The following MITF variants were observed in gnomAD, a reference collection of about 807,000 sequenced individuals.
MITF encodes the protein microphthalmia-associated transcription factor.
MITF carries 17 observed loss-of-function variants against 60.5 expected under a neutral mutation model. The ratio of observed to expected loss-of-function variants is 0.28; its 90% CI spans 0.19 to 0.42. MITF has a LOEUF of 0.42. MITF is among the 10% of genes least tolerant of loss of function. MITF has a pLI of 1.00. For missense variants in MITF, 622 were observed against 683.5 expected (o/e 0.91, Z 1.00); for synonymous variants, 260 against 248.5 (o/e 1.05, Z -0.43).
At chr3:69,768,652 G>C (rs1257629433) in intron 1 of MITF, among the ~76,000 whole-genome samples, 2 of 152,172 alleles carry the variant, frequency 1.3e-5, no homozygotes, top group African/African-American at 4.8e-5. Context: ...TTGCCTTGAG[G>C]CAGCAAGACT....
chr3:69,936,975 TGTGG>T, intron 2 of MITF: 1 of 466,078 alleles, frequency 2.1e-6, no homozygotes, highest in African/African-American at 2.0e-5. Context: ...TGGCCTAGTG[TGTGG>T]CTAAACTATC....
chr3:69,909,324 C>T (rs532155905), intron 2 of MITF, among the ~76,000 whole-genome samples: 4 of 152,288 alleles, frequency 2.6e-5, no homozygotes, highest in African/African-American at 9.6e-5. Context: ...AACTGTAAAT[C>T]CAATTAAACC....
At chr3:69,922,973 T>A (rs2065501411) in intron 2 of MITF, among the ~76,000 whole-genome samples, 1 of 152,238 alleles carries the variant, frequency 6.6e-6, no homozygotes, top group Admixed American at 6.5e-5. Flanking sequence ...CTTGAGGGGC[T>A]GATTCTGTTC....
intron 1 of MITF, among the ~76,000 whole-genome samples, chr3:69,752,814 A>G (rs901974053): frequency 1.3e-5 from 2 of 152,166 alleles, no homozygotes; most frequent in African/African-American, 4.8e-5. Flanking sequence ...AAAAGTGTGT[A>G]GGACCTCCCT....
intron 1 of MITF, among the ~76,000 whole-genome samples, chr3:69,741,011 G>A (rs1184181101): frequency 6.6e-6 from 1 of 152,180 alleles, no homozygotes; most frequent in Admixed American, 6.5e-5. Context: ...TATCCAAGTT[G>A]GGGAAGAAAA....
At chr3:69,803,966 G>C (rs372007816) in intron 1 of MITF, among the ~76,000 whole-genome samples, 6 of 151,366 alleles carry the variant, frequency 4.0e-5, no homozygotes, top group Admixed American at 4.0e-4. Flanking sequence ...CTTCTTTTCT[G>C]TTCTTGTCTA....
chr3:69,957,915 T>C (rs1467586846), intron 8 of MITF, among the ~76,000 whole-genome samples: 1 of 152,222 alleles, frequency 6.6e-6, no homozygotes, highest in Non-Finnish European at 1.5e-5. Flanking sequence ...TTGGGGCTGC[T>C]ATAGAGACAC....
intron 1 of MITF, among the ~76,000 whole-genome samples, chr3:69,760,013 C>T (rs2062188529): frequency 1.3e-5 from 2 of 152,140 alleles, no homozygotes; most frequent in African/African-American, 4.8e-5. Flanking sequence ...CTCCTGACCT[C>T]GTGATCCACC....
chr3:69,774,503 C>G (rs2062443197), intron 1 of MITF, among the ~76,000 whole-genome samples: 1 of 152,142 alleles, frequency 6.6e-6, no homozygotes, highest in African/African-American at 2.4e-5. Flanking sequence ...ACCTTGTCTT[C>G]AGGCCTCCAG....
At chr3:69,774,113 G>T (rs573670061) in intron 1 of MITF, among the ~76,000 whole-genome samples, 41 of 152,188 alleles carry the variant, frequency 2.7e-4, no homozygotes, top group Non-Finnish European at 2.8e-4. Flanking sequence ...TAATATTCAG[G>T]TATGTCTTCA....
chr3:69,943,227 A>G (rs2066012684), intron 5 of MITF, among the ~76,000 whole-genome samples: 1 of 151,668 alleles, frequency 6.6e-6, no homozygotes, highest in Admixed American at 6.6e-5. Context: ...TCTCGTTAGT[A>G]TTCTCCACAA....
At chr3:69,772,973 A>G (rs1171231585) in intron 1 of MITF, among the ~76,000 whole-genome samples, 1 of 152,222 alleles carries the variant, frequency 6.6e-6, no homozygotes, top group African/African-American at 2.4e-5. Flanking sequence ...AGTAAAATGC[A>G]TAATATGCTA....
chr3:69,888,643 C>T (rs919646183), intron 2 of MITF, among the ~76,000 whole-genome samples: 13 of 151,938 alleles, frequency 8.6e-5, no homozygotes, highest in South Asian at 2.1e-4. Context: ...TTTATAAAAC[C>T]GGTTGATTTA....
At chr3:69,899,552 G>T (rs1415542368) in intron 2 of MITF, among the ~76,000 whole-genome samples, 1 of 152,128 alleles carries the variant, frequency 6.6e-6, no homozygotes, top group African/African-American at 2.4e-5. Flanking sequence ...ACCAACATGG[G>T]TACATGGCAC....
At chr3:69,869,228 T>G (rs531644674) in intron 1 of MITF, among the ~76,000 whole-genome samples, 1 of 152,238 alleles carries the variant, frequency 6.6e-6, no homozygotes, top group South Asian at 2.1e-4. Flanking sequence ...AGACAATATG[T>G]GAATAAAACA....
At chr3:69,894,167 T>G (rs1235254470) in intron 2 of MITF, among the ~76,000 whole-genome samples, 1 of 152,212 alleles carries the variant, frequency 6.6e-6, no homozygotes, top group African/African-American at 2.4e-5. Context: ...TTGGGGAAAC[T>G]TGAAGGTTCA....
In MITF at chr3:69,879,190, C is replaced by T. The variant is rs1463210620; in HGVS notation, c.161C>T (p.Thr54Ile). Reference sequence around the variant, plus strand: ...CCTCCGATAAGCTCCTCCAGTATGACATCACGCATCTTGCTACGCCAGCAA... The same window carrying T: ...CCTCCGATAAGCTCCTCCAGTATGATATCACGCATCTTGCTACGCCAGCAA... ...SKPPISSSSM[T>I]SRILLRQQLM... Residue 54 changes from threonine to isoleucine, a missense_variant, in exon 2 of 10, where the codon ACA (threonine) becomes ATA (isoleucine). This residue lies in a region of MITF where 149 missense variants were observed against 157.8 expected (regional missense o/e 0.94). Coordinates refer to ENST00000352241, the MANE Select transcript of MITF (RefSeq NM_001354604.2). 2 of 1,614,250 alleles carry T rather than the reference C, an allele frequency of 1.2e-6. No homozygotes were observed. The highest frequency in any genetic ancestry group is 4.5e-5 in the East Asian group (2 of 44,882).
At chr3:69,857,313 C>G (rs1217761612) in intron 1 of MITF, among the ~76,000 whole-genome samples, 2 of 152,016 alleles carry the variant, frequency 1.3e-5, no homozygotes, top group Admixed American at 6.6e-5. Context: ...GGCACATTAA[C>G]CTCTTGATTT....
intron 2 of MITF, among the ~76,000 whole-genome samples, chr3:69,933,643 T>C (rs2065770878): frequency 6.6e-6 from 1 of 152,226 alleles, no homozygotes; most frequent in African/African-American, 2.4e-5. Flanking sequence ...ATAAGTTATA[T>C]CAATAAATAA....
Sources: gnomAD v4.1 joint callset for allele counts (sites outside exome capture counted in the v4.1 genomes callset) on GRCh38, gnomAD v4.1.1 for gene constraint, gnomAD v4.1.1 regional missense constraint, MANE v1.5 for transcripts, NCBI Gene and HGNC (gene_info 2026-07-23, HGNC 2026-07-21) for gene names.